Variants in HNRNPUL2 observed in about 807,000 individuals in gnomAD.
HNRNPUL2 encodes the protein heterogeneous nuclear ribonucleoprotein U-like protein 2.
A neutral mutation model predicts 102.2 loss-of-function variants in HNRNPUL2; 27 were observed. The observed-to-expected ratio is 0.26, with a 90% confidence interval of 0.19 to 0.36. The LOEUF is 0.36. Among genes scored for constraint, HNRNPUL2 ranks in the 10% least tolerant of loss-of-function variants. HNRNPUL2 has a pLI of 1.00. For missense variants in HNRNPUL2, 936 were observed against 981.1 expected (o/e 0.95, Z 0.61); for synonymous variants, 458 against 387.2 (o/e 1.18, Z -2.15).
intron 9 of HNRNPUL2, among the ~76,000 whole-genome samples, chr11:62,720,863 CAAAAAAAAAAAAAA>C (rs10615770): frequency 6.5e-5 from 5 of 77,278 alleles, no homozygotes; most frequent in Non-Finnish European, 1.2e-4. Context: ...GACTCGGTCT[CAAAAAAAAAAAAAA>C]AAAAAAAAAA....
intron 1 of HNRNPUL2, among the ~76,000 whole-genome samples, chr11:62,725,952 G>A (rs191087901): frequency 4.6e-5 from 7 of 152,254 alleles, no homozygotes; most frequent in Admixed American, 1.3e-4. Flanking sequence ...GACTCAGTGG[G>A]ACAATTAAAA....
chr11:62,727,228 G>GCGCCGCCGCCGCCGC lies in HNRNPUL2; in HGVS notation c.-87_-73dup, dbSNP rs199865096. 40 of 1,298,024 alleles carry GCGCCGCCGCCGCCGC rather than the reference G, an allele frequency of 3.1e-5. No individual in the cohort carries two copies. Among genetic ancestry groups the GCGCCGCCGCCGCCGC allele is most frequent in the Non-Finnish European group, 3.3e-5 (34 of 1,025,694 alleles). 80.4% of individuals were successfully genotyped at this position (1,298,024 alleles called of 1,614,324 possible). A position where few individuals can be genotyped will look rare whatever the true frequency, so the allele number is the denominator to read the frequency against. On this transcript the variant is annotated 5_prime_UTR_variant, in exon 1 of 14. Transcript: ENST00000301785. ...CCGTCGACCGAGTCCGACCGCGCAG[G>GCGCCGCCGCCGCCGC]CGCCGCCGCCGCCGCCCGCCTCCGC...
At chr11:62,719,910 A>C in intron 10 of HNRNPUL2, 113 bp downstream of exon 10, 1 of 984,298 alleles carries the variant, frequency 1.0e-6, no homozygotes, top group Non-Finnish European at 1.5e-6. Flanking sequence ...TGCTAATGCT[A>C]TGCTCTTGGA....
chr11:62,719,572 TAG>T (rs1244892754), intron 10 of HNRNPUL2, among the ~76,000 whole-genome samples: 1 of 152,250 alleles, frequency 6.6e-6, no homozygotes, highest in Non-Finnish European at 1.5e-5. Flanking sequence ...ATTTTAGATG[TAG>T]AGTGTCACTC....
rs1180800894 is a variant in HNRNPUL2, at chr11:62,715,255, C to G, written c.*44G>C. 3 of 1,550,624 alleles carry G rather than the reference C, an allele frequency of 1.9e-6. No individual in the cohort carries two copies. Among genetic ancestry groups the G allele is most frequent in the African/African-American group, 1.4e-5 (1 of 72,296 alleles). On this transcript the variant is annotated 3_prime_UTR_variant, in exon 14 of 14. Transcript: ENST00000301785. The stretch of plus-strand genomic sequence containing the variant: ...GTTTTGCGGGGGTGCCTGGCACCCC[C>G]AGAGATTCAGCTTCATGGCTGACAG...
chr11:62,720,044 A>T lies in HNRNPUL2; in HGVS notation c.1759T>A (p.Ser587Thr). 6.2e-7 allele frequency: 1 copy of T among 1,614,158 alleles called. No homozygotes were observed. The highest frequency in any genetic ancestry group is 8.5e-7 in the Non-Finnish European group (1 of 1,180,018). The change falls in exon 10 of 14, where the codon TCT becomes ACT. Residue 587 changes from serine (S) to threonine (T), a missense_variant. By Grantham distance (58) the Ser-to-Thr change is moderately conservative (BLOSUM62 1). Transcript: ENST00000301785. ...KEVEGDDVPE[S>T]IMLEMKANFS... is the part of the protein sequence containing the mutation. The stretch of plus-strand genomic sequence containing the variant: ...CCACCTTTCATCTCCAGCATTATAG[A>T]TTCAGGCACATCATCTCCCTCTACT...
chr11:62,718,472 G>A (rs1452504194), intron 10 of HNRNPUL2, among the ~76,000 whole-genome samples: 1 of 151,848 alleles, frequency 6.6e-6, no homozygotes, highest in Non-Finnish European at 1.5e-5. Context: ...AGGCCGAGGC[G>A]GGCAGATCAC....
Position 62,723,973 on chromosome 11 carries a change from GGCAGTGGAGAC to G in HNRNPUL2, c.681_691del (p.Lys227AsnfsTer3), listed in dbSNP as rs2083724135. ...CTCATCTTTTGCCTCTTCTTCAGGA[GGCAGTGGAGAC>G]TTTGAGCTATATATGTAAGATAGAA... On this transcript the variant is annotated frameshift_variant, in exon 3 of 14. Coordinates refer to ENST00000301785, the MANE Select transcript of HNRNPUL2 (RefSeq NM_001079559.3). LOFTEE classifies it high-confidence loss of function. 1 of 1,613,758 alleles carries G rather than the reference GGCAGTGGAGAC, an allele frequency of 6.2e-7. No individual in the cohort carries two copies.
chr11:62,726,288 G>C lies in HNRNPUL2; in HGVS notation c.538+331C>G. Among the ~76,000 whole-genome samples, 4 of 152,244 alleles carry C rather than the reference G, an allele frequency of 2.6e-5. 1 individual carries two copies. Among genetic ancestry groups the C allele is most frequent in the Middle Eastern group, 6.8e-3 (2 of 294 alleles). The stretch of plus-strand genomic sequence containing the variant: ...CTAGTTCTCCGTGTAATCCCCAATT[G>C]CTTAGCACTTTCTCAGCTAAGAAAA... On this transcript the variant is annotated intron_variant, in intron 1 of 13. Transcript: ENST00000301785.
chr11:62,721,236 C>T, intron 9 of HNRNPUL2, 59 bp downstream of exon 9: 3 of 1,465,054 alleles, frequency 2.0e-6, no homozygotes, highest in Non-Finnish European at 1.9e-6. Flanking sequence ...CTCCTTAATT[C>T]AGTCTCTCTT....
At chr11:62,717,802 G>A (rs563883847) in intron 10 of HNRNPUL2, among the ~76,000 whole-genome samples, 2 of 152,316 alleles carry the variant, frequency 1.3e-5, no homozygotes, top group African/African-American at 4.8e-5. Context: ...GAGACTCAAT[G>A]AGAAACTGAC....
intron 9 of HNRNPUL2, 26 bp downstream of exon 9, chr11:62,721,269 T>G: frequency 1.3e-6 from 2 of 1,592,826 alleles, no homozygotes; most frequent in African/African-American, 1.4e-5. Flanking sequence ...CCACCTTGAC[T>G]CTAGGCAATT....
In HNRNPUL2 at chr11:62,725,091, C is replaced by A. The variant is rs574217043; in HGVS notation, c.539-665G>T. Among the ~76,000 whole-genome samples the A allele has an allele frequency of 6.6e-5, 10 of 152,328 alleles. No individual in the cohort carries two copies. In the South Asian group the frequency reaches 1.0e-3, roughly 16 times the overall value. On this transcript the variant is annotated intron_variant, in intron 1 of 13. Transcript: ENST00000301785. ...CAGAAAGGTGTTGTTGTATATTTAG[C>A]AACTTCTCTGCAAGAGGAAAAAACT...
In HNRNPUL2 at chr11:62,722,729, A is replaced by T; in HGVS notation, c.983-16T>A. 1 of 1,610,342 alleles carries T rather than the reference A, an allele frequency of 6.2e-7. No individual in the cohort carries two copies. Among genetic ancestry groups the T allele is most frequent in the Non-Finnish European group, 8.5e-7 (1 of 1,176,522 alleles). On this transcript the variant is annotated splice_polypyrimidine_tract_variant and intron_variant, in intron 5 of 13. Coordinates refer to ENST00000301785, the MANE Select transcript of HNRNPUL2 (RefSeq NM_001079559.3). Reference sequence around the variant, plus strand: ...TCATCTTCACCTAGAACAGTCAACAAATTAGTTACCTACAACCGGACTTCC... The same window carrying T: ...TCATCTTCACCTAGAACAGTCAACATATTAGTTACCTACAACCGGACTTCC...
chr11:62,722,512 A>G, intron 6 of HNRNPUL2, 89 bp downstream of exon 6: 1 of 1,415,724 alleles, frequency 7.1e-7, no homozygotes, highest in Admixed American at 1.7e-5. Context: ...CACATGCATA[A>G]AAGCCAGCAG....
chr11:62,722,350 A>G lies in HNRNPUL2; in HGVS notation c.1126T>C (p.Phe376Leu). 3 of 1,614,036 alleles carry G rather than the reference A, an allele frequency of 1.9e-6. No individual in the cohort carries two copies. Among genetic ancestry groups the G allele is most frequent in the Non-Finnish European group, 2.5e-6 (3 of 1,179,922 alleles). The change falls in exon 7 of 14, where the codon TTC becomes CTC. Residue 376 changes from phenylalanine to leucine, a missense_variant. Physicochemically the swap from Phe to Leu is conservative, Grantham distance 22 (BLOSUM62 0). Transcript: ENST00000301785. The stretch of plus-strand genomic sequence containing the variant: ...CCTAGGTCTTCTCCATTCTTGGAGA[A>G]GGAAAGTTCTACTTCTTCAGTCTCA... Reference protein sequence around the residue: ...NFETEEVELSFSKNGEDLGVA... With the variant: ...NFETEEVELSLSKNGEDLGVA...
chr11:62,724,901 C>G (rs2083732394), intron 1 of HNRNPUL2, among the ~76,000 whole-genome samples: 1 of 152,190 alleles, frequency 6.6e-6, no homozygotes. Context: ...CTTTCCTGCA[C>G]TGAAATACAC....
At chr11:62,720,470 G>A (rs754034966) in intron 9 of HNRNPUL2, among the ~76,000 whole-genome samples, 11 of 150,588 alleles carry the variant, frequency 7.3e-5, no homozygotes, top group African/African-American at 1.5e-4. Flanking sequence ...CTTGAACCCA[G>A]GAGATGGTGG....
chr11:62,714,969 G>A lies in HNRNPUL2; in HGVS notation c.*330C>T, dbSNP rs996492428. 4.8e-6 allele frequency: 1 copy of A among 206,480 alleles called. No homozygotes were observed. Among genetic ancestry groups the A allele is most frequent in the African/African-American group, 2.3e-5 (1 of 42,696 alleles). 12.8% of individuals were successfully genotyped at this position (206,480 alleles called of 1,614,324 possible). A position where few individuals can be genotyped will look rare whatever the true frequency, so the allele number is the denominator to read the frequency against. The stretch of plus-strand genomic sequence containing the variant: ...GGGTGCCATTTTCAGTTCTTTTCCT[G>A]TCTGACTGTAGGGTATAGAACAGGC... On this transcript the variant is annotated 3_prime_UTR_variant, in exon 14 of 14. Coordinates refer to ENST00000301785, the MANE Select transcript of HNRNPUL2 (RefSeq NM_001079559.3).
Sources: gnomAD v4.1 joint callset for allele counts (sites outside exome capture counted in the v4.1 genomes callset) on GRCh38, gnomAD v4.1.1 for gene constraint, MANE v1.5 for transcripts, NCBI Gene and HGNC (gene_info 2026-07-23, HGNC 2026-07-21) for gene names.